COX7B2: variants seen among roughly 807,000 people sequenced by gnomAD.
The protein encoded by COX7B2 is cytochrome c oxidase subunit 7B2, also known as cytochrome c oxidase subunit 7B2, mitochondrial.
For missense variants in COX7B2, 109 were observed against 95.9 expected (o/e 1.14, Z -0.57); for synonymous variants, 37 against 32.1 (o/e 1.15, Z -0.51).
intron 1 of COX7B2, among the ~76,000 whole-genome samples, chr4:46,852,314 ACT>A (rs1716739934): frequency 6.6e-6 from 1 of 152,054 alleles, no homozygotes; most frequent in Admixed American, 6.6e-5. Context: ...GTGACAAACC[ACT>A]TTTTTCTTTT....
intron 1 of COX7B2, among the ~76,000 whole-genome samples, chr4:46,894,703 C>T (rs1719646063): frequency 6.6e-6 from 1 of 152,100 alleles, no homozygotes; most frequent in South Asian, 2.1e-4. Context: ...ACACAGACAA[C>T]CTACAGAATG....
intron 2 of COX7B2, among the ~76,000 whole-genome samples, chr4:46,769,807 A>G (rs555401851): frequency 2.1e-4 from 32 of 152,314 alleles, no homozygotes; most frequent in Admixed American, 1.2e-3. Flanking sequence ...TCTTGTCATG[A>G]TAAAAAAAAC....
intron 2 of COX7B2, among the ~76,000 whole-genome samples, chr4:46,754,580 T>G (rs1715636535): frequency 6.9e-6 from 1 of 145,392 alleles, no homozygotes. Flanking sequence ...TTAGGAGATA[T>G]ACCTAATGCA....
chr4:46,738,496 G>A (rs993008425), intron 2 of COX7B2, among the ~76,000 whole-genome samples: 8 of 151,724 alleles, frequency 5.3e-5, no homozygotes, highest in Admixed American at 6.6e-5. Flanking sequence ...TTCCTTGTCG[G>A]CATCAGCTAC....
At chr4:46,767,095 A>G (rs7437723) in intron 2 of COX7B2, among the ~76,000 whole-genome samples, 1 of 152,110 alleles carries the variant, frequency 6.6e-6, no homozygotes, top group Non-Finnish European at 1.5e-5. Flanking sequence ...AAACAGATCC[A>G]ACTCTGTGCT....
intron 2 of COX7B2, among the ~76,000 whole-genome samples, chr4:46,763,252 A>G (rs1215214762): frequency 7.1e-6 from 1 of 141,048 alleles, no homozygotes. Flanking sequence ...ACATATATAT[A>G]CACACACACA....
At chr4:46,894,835 C>T (rs1719653055) in intron 1 of COX7B2, among the ~76,000 whole-genome samples, 2 of 152,106 alleles carry the variant, frequency 1.3e-5, no homozygotes, top group Non-Finnish European at 2.9e-5. Flanking sequence ...GACATAATCA[C>T]TTTTCAAAAG....
chr4:46,839,645 A>G (rs1221534399), intron 2 of COX7B2, among the ~76,000 whole-genome samples: 2 of 152,062 alleles, frequency 1.3e-5, no homozygotes, highest in Non-Finnish European at 2.9e-5. Context: ...CCTGATCAAA[A>G]TGCAAATGAT....
chr4:46,901,958 TTGG>T (rs1720092065), intron 1 of COX7B2, among the ~76,000 whole-genome samples: 1 of 152,232 alleles, frequency 6.6e-6, no homozygotes, highest in Admixed American at 6.5e-5. Context: ...GTTCCCCATC[TTGG>T]GACAACATAT....
intron 2 of COX7B2, among the ~76,000 whole-genome samples, chr4:46,753,275 A>AT (rs1715519360): frequency 6.6e-6 from 1 of 151,952 alleles, no homozygotes; most frequent in Non-Finnish European, 1.5e-5. Flanking sequence ...CCCCTTTATC[A>AT]TTTTTTATTG....
intron 2 of COX7B2, among the ~76,000 whole-genome samples, chr4:46,776,229 T>C (rs972189664): frequency 6.6e-6 from 1 of 152,058 alleles, no homozygotes; most frequent in Non-Finnish European, 1.5e-5. Context: ...AAATTCCTTT[T>C]AAAGGAATAT....
At chr4:46,770,645 C>A in intron 2 of COX7B2, among the ~76,000 whole-genome samples, 1 of 149,424 alleles carries the variant, frequency 6.7e-6, no homozygotes, top group Non-Finnish European at 1.5e-5. Context: ...CCCACTGGAA[C>A]AGAATAGAGA....
At chr4:46,807,292 TTGGC>T (rs1719053174) in intron 2 of COX7B2, among the ~76,000 whole-genome samples, 1 of 151,990 alleles carries the variant, frequency 6.6e-6, no homozygotes, top group South Asian at 2.1e-4. Flanking sequence ...TTCATACCTG[TTGGC>T]CATTTATGTC....
At chr4:46,752,800 G>T (rs937011520) in intron 2 of COX7B2, among the ~76,000 whole-genome samples, 2 of 152,110 alleles carry the variant, frequency 1.3e-5, no homozygotes, top group Admixed American at 6.6e-5. Context: ...GCTTTTTGAT[G>T]TGCTGCTGGA....
chr4:46,856,284 T>A (rs1472633171), intron 1 of COX7B2, among the ~76,000 whole-genome samples: 1 of 152,124 alleles, frequency 6.6e-6, no homozygotes, highest in Non-Finnish European at 1.5e-5. Flanking sequence ...CTTTCTCCAA[T>A]TCCTAAAGAC....
intron 2 of COX7B2, among the ~76,000 whole-genome samples, chr4:46,771,766 A>G: frequency 6.6e-6 from 1 of 152,128 alleles, no homozygotes; most frequent in South Asian, 2.1e-4. Context: ...AACAATAACA[A>G]CAACAAATCA....
At chr4:46,891,159 T>C (rs1719410330) in intron 1 of COX7B2, among the ~76,000 whole-genome samples, 1 of 152,206 alleles carries the variant, frequency 6.6e-6, no homozygotes, top group South Asian at 2.1e-4. Context: ...TAGACGTTAC[T>C]GTTTACTTGA....
intron 1 of COX7B2, among the ~76,000 whole-genome samples, chr4:46,903,197 T>A (rs1720170817): frequency 6.6e-6 from 1 of 152,196 alleles, no homozygotes; most frequent in Non-Finnish European, 1.5e-5. Flanking sequence ...AAGTCCATTA[T>A]CAAATTTTCA....
At chr4:46,768,464 G>A (rs1716676611) in intron 2 of COX7B2, among the ~76,000 whole-genome samples, 1 of 152,164 alleles carries the variant, frequency 6.6e-6, no homozygotes, top group Admixed American at 6.5e-5. Context: ...GAACAGGACA[G>A]GGGCATGGCA....
Sources: allele counts gnomAD v4.1 joint callset (sites outside exome capture counted in the v4.1 genomes callset), GRCh38; gene constraint gnomAD v4.1.1; transcripts MANE v1.5; gene names NCBI Gene and HGNC (gene_info 2026-07-23, HGNC 2026-07-21).